GRB7: variants seen among roughly 807,000 people sequenced by gnomAD.
GRB7 encodes the protein growth factor receptor bound protein 7, also known as growth factor receptor-bound protein 7.
A neutral mutation model predicts 64.1 loss-of-function variants in GRB7; 47 were observed. The observed-to-expected ratio is 0.73, with a 90% CI of 0.58 to 0.94. GRB7 has a LOEUF of 0.94. GRB7 is among the 40% of genes least tolerant of loss of function. The pLI, the probability that GRB7 is intolerant of heterozygous loss-of-function variation, is 0.00. For synonymous variants in GRB7, 277 were observed against 279.9 expected (o/e 0.99, Z 0.10); for missense variants, 634 against 718.4 (o/e 0.88, Z 1.34).
At position 39,747,072 on chromosome 17, in the gene GRB7, A is replaced by C; in HGVS notation, c.*175A>C. On this transcript the variant is annotated 3_prime_UTR_variant, in exon 15 of 15. Transcript: ENST00000309156. ...CTCCCTCAGATAGAAAACAGCCCCC[A>C]CTCCAGTCCACTCCTGACCCCTCTC... The C allele has an allele frequency of 1.6e-6, 1 of 641,922 alleles. No homozygotes were observed. 39.8% of individuals were successfully genotyped at this position (641,922 alleles called of 1,614,324 possible).
intron 7 of GRB7, 88 bp downstream of exon 7, chr17:39,744,295 TC>T: frequency 6.6e-7 from 1 of 1,516,504 alleles, no homozygotes; most frequent in Non-Finnish European, 9.0e-7. Context: ...TCTGAGCCCT[TC>T]TCCCCCTGGG....
chr17:39,743,071 G>A lies in GRB7; in HGVS notation c.463+17G>A. The stretch of plus-strand genomic sequence containing the variant: ...TAGCACTGGGTAAGTCAGGTGCATG[G>A]AACTATCCGGGCTGGGAGATGATGC... On this transcript the variant is annotated intron_variant, in intron 4 of 14. Transcript: ENST00000309156. 2 of 1,598,454 alleles carry A rather than the reference G, an allele frequency of 1.3e-6. No individual in the cohort carries two copies. Among genetic ancestry groups the A allele is most frequent in the Non-Finnish European group, 1.7e-6 (2 of 1,170,092 alleles).
At chr17:39,743,127 C>T (rs2060011628) in intron 4 of GRB7, 53 bp from the exon 5 acceptor site, 1 of 1,605,450 alleles carries the variant, frequency 6.2e-7, no homozygotes, top group Non-Finnish European at 8.5e-7. Context: ...TGTGGCTCAT[C>T]CAGGAGATCT....
Position 39,746,857 on chromosome 17 carries a change from C to T in GRB7, c.1559C>T (p.Pro520Leu), listed in dbSNP as rs755907760. Reference sequence around the variant, plus strand: ...CACCAGCTGAACCGCGGCATCCTGCCGTGCTTGCTGCGCCATTGCTGCACG... The same window carrying T: ...CACCAGCTGAACCGCGGCATCCTGCTGTGCTTGCTGCGCCATTGCTGCACG... ...EFHQLNRGIL[P>L]CLLRHCCTRV... Residue 520 changes from proline (P) to leucine (L), a missense_variant, in exon 15 of 15, where the codon CCG (proline) becomes CTG (leucine). Transcript: ENST00000309156. 71 of 1,613,004 alleles carry T rather than the reference C, an allele frequency of 4.4e-5. No individual in the cohort carries two copies. The highest frequency in any genetic ancestry group is 5.5e-5 in the South Asian group (5 of 91,094).
chr17:39,740,901 A>G (rs1002203214), intron 1 of GRB7, among the ~76,000 whole-genome samples: 27 of 152,146 alleles, frequency 1.8e-4, no homozygotes, highest in African/African-American at 6.3e-4. Context: ...TGAGGGGTCA[A>G]TCCCAGGTGC....
rs764599782 is a variant in GRB7, at chr17:39,744,170, G to T, written c.764G>T (p.Arg255Leu). 1.8e-4 allele frequency: 286 copies of T among 1,613,928 alleles called. No individual in the cohort carries two copies. The highest frequency in any genetic ancestry group is 2.3e-4 in the South Asian group (21 of 91,078). The change falls in exon 7 of 15, where the codon CGA becomes CTA. Residue 255 changes from arginine to leucine, a missense_variant. This residue lies in a region of GRB7 where 467 missense variants were observed against 576.6 expected (regional missense o/e 0.81). Coordinates refer to ENST00000309156, the MANE Select transcript of GRB7 (RefSeq NM_005310.5). ...AAACGCTTTTTCTGCTTCTTGCGCC[G>T]ATCTGGCCTCTATTACTCCACCAAG... The part of the protein sequence containing the change: ...LWKRFFCFLR[R>L]SGLYYSTKGT...
At chr17:39,738,761 C>G in intron 1 of GRB7, 1 of 712,152 alleles carries the variant, frequency 1.4e-6, no homozygotes, top group South Asian at 2.2e-5. Flanking sequence ...GTCTCTAAGA[C>G]AGACGTCTCT....
intron 6 of GRB7, among the ~76,000 whole-genome samples, chr17:39,743,819 C>CAAAAAAAAA (rs35101034): frequency 2.4e-5 from 1 of 41,676 alleles, no homozygotes; most frequent in Admixed American, 3.3e-4. Context: ...CTCGTCTCTC[C>CAAAAAAAAA]AAAAAAAAAA....
rs2271307 is a variant in GRB7 at position 39,744,491 on chromosome 17, G to T, written c.802-62G>T. On this transcript the variant is annotated intron_variant, in intron 7 of 14. Coordinates refer to ENST00000309156, the MANE Select transcript of GRB7 (RefSeq NM_005310.5). ...CCTGAAATCTCCCCACCTGGCTTGT[G>T]GGGGGAGGTAATAGTGGGCGGGATC... 1.1e-4 allele frequency: 153 copies of T among 1,345,968 alleles called. No individual in the cohort carries two copies. In the Middle Eastern group the frequency reaches 5.0e-3, roughly 44 times the overall value. The allele number at this position is 1,345,968 out of a possible 1,614,324, so 83.4% of individuals were successfully genotyped here. A position where few individuals can be genotyped will look rare whatever the true frequency, so the allele number is the denominator to read the frequency against.
At chr17:39,740,589 G>T (rs971732768) in intron 1 of GRB7, among the ~76,000 whole-genome samples, 2 of 152,152 alleles carry the variant, frequency 1.3e-5, no homozygotes, top group Non-Finnish European at 2.9e-5. Flanking sequence ...GTCCCACCTG[G>T]CCTGGAGCTA....
Position 39,745,740 on chromosome 17 carries a change from C to A in GRB7, c.1222C>A (p.His408Asn), listed in dbSNP as rs760691588. Residue 408 changes from histidine to asparagine, a missense_variant, in exon 12 of 15, where the codon CAC becomes AAC. By Grantham distance (68) the His-to-Asn change is moderately conservative (BLOSUM62 1). Around this residue, in one of 2 missense-constraint regions of GRB7, gnomAD observed 467 missense variants for 576.6 expected, o/e 0.81. Transcript: ENST00000309156. ...CACTGCTCCACAGAAGAAGACAAAC[C>A]ACCGCCTCAGCCTGCCCATGCCAGC... The part of the protein sequence containing the change: ...EAQAWRKKTN[H>N]RLSLPMPASG... The A allele has an allele frequency of 4.3e-6, 7 of 1,613,842 alleles. No homozygotes were observed. The highest frequency in any genetic ancestry group is 5.1e-6 in the Non-Finnish European group (6 of 1,180,032).
At chr17:39,745,043 C>A in intron 9 of GRB7, 59 bp downstream of exon 9, 2 of 1,404,092 alleles carry the variant, frequency 1.4e-6, no homozygotes, top group Non-Finnish European at 1.0e-6. Flanking sequence ...CCAGCTCTGC[C>A]CTCAGGAAGT....
At chr17:39,740,538 C>T (rs1156732249) in intron 1 of GRB7, among the ~76,000 whole-genome samples, 1 of 152,062 alleles carries the variant, frequency 6.6e-6, no homozygotes, top group African/African-American at 2.4e-5. Flanking sequence ...GACTCCCTGG[C>T]GAGGAGGTGG....
chr17:39,742,871 A>G, intron 3 of GRB7, 27 bp from the exon 4 acceptor site: 1 of 1,558,826 alleles, frequency 6.4e-7, no homozygotes, highest in Non-Finnish European at 8.7e-7. Context: ...GCCTCCCCTC[A>G]AGTCGTGTGC....
intron 1 of GRB7, chr17:39,738,680 C>G: frequency 2.2e-6 from 1 of 457,200 alleles, no homozygotes. Context: ...ACTAGCCCCT[C>G]CCCGCACACC....
rs142241689 is a variant in GRB7, at chr17:39,743,864, G to C, written c.664-206G>C. Among the ~76,000 whole-genome samples the C allele has an allele frequency of 3.8e-3, 553 of 146,858 alleles. 3 individuals carry two copies. The highest frequency in any genetic ancestry group is 0.013 in the African/African-American group (513 of 39,872). ...AAAAAAAGGCCAGGAATGGTGGCAT[G>C]AGCCTGTAGTCCCAGGTGCTTGGGA... On this transcript the variant is annotated intron_variant, in intron 6 of 14. Transcript: ENST00000309156.
Position 39,742,657 on chromosome 17 carries a change from A to C in GRB7, c.247A>C (p.Ile83Leu), listed in dbSNP as rs2143406112. The C allele has an allele frequency of 6.2e-7, 1 of 1,605,564 alleles. No homozygotes were observed. Among genetic ancestry groups the C allele is most frequent in the African/African-American group, 1.3e-5 (1 of 74,178 alleles). The change falls in exon 3 of 15, where the codon ATT (isoleucine) becomes CTT (leucine). Residue 83 changes from isoleucine (I) to leucine (L), a missense_variant. Physicochemically the swap from Ile to Leu is conservative, Grantham distance 5. This residue lies in a region of GRB7 where 167 missense variants were observed against 141.9 expected (regional missense o/e 1.18). Transcript: ENST00000309156. ...ELCSPPSQSP[I>L]LGGPSSARGL... ...CTGCAGTCCTCCCTCACAGAGCCCAATTCTCGGGGGCCCCTCCAGTGCAAG... is the reference window on the plus strand; with the variant it reads ...CTGCAGTCCTCCCTCACAGAGCCCACTTCTCGGGGGCCCCTCCAGTGCAAG...
chr17:39,738,925 G>A, intron 1 of GRB7: 1 of 1,535,158 alleles, frequency 6.5e-7, no homozygotes, highest in Non-Finnish European at 8.7e-7. Flanking sequence ...TGGAGGCCGG[G>A]TGAGACGGGG....
At position 39,746,761 on chromosome 17, in the gene GRB7, A is replaced by C; in HGVS notation, c.1463A>C (p.Glu488Ala). 6.2e-7 allele frequency: 1 copy of C among 1,613,784 alleles called. No individual in the cohort carries two copies. Among genetic ancestry groups the C allele is most frequent in the South Asian group, 1.1e-5 (1 of 91,086 alleles). Reference protein sequence around the residue: ...KHYLILPSEEEGRLYFSMDDG... With the variant: ...KHYLILPSEEAGRLYFSMDDG... ...TTTACTGTACCCCAGAGCGAGGAGG[A>C]GGGCCGCCTGTACTTCAGCATGGAT... The change falls in exon 15 of 15, where the codon GAG (glutamate) becomes GCG (alanine). Residue 488 changes from glutamate to alanine, a missense_variant. Physicochemically the swap from Glu to Ala is moderately radical, Grantham distance 107. Coordinates refer to ENST00000309156, the MANE Select transcript of GRB7 (RefSeq NM_005310.5).
Sources: allele counts gnomAD v4.1 joint callset (sites outside exome capture counted in the v4.1 genomes callset), GRCh38; gene constraint gnomAD v4.1.1; regional missense constraint gnomAD v4.1.1; transcripts MANE v1.5; gene names NCBI Gene and HGNC (gene_info 2026-07-23, HGNC 2026-07-21).